Variants in LRP8 observed in about 807,000 individuals in gnomAD.
LRP8 encodes the protein low-density lipoprotein receptor-related protein 8.
Under a neutral mutation model 111.6 loss-of-function variants are expected in LRP8, and 46 were observed. The observed-to-expected ratio is 0.41, with a 90% CI of 0.33 to 0.53. LRP8 has a LOEUF of 0.53. Among genes scored for constraint, LRP8 ranks in the 20% least tolerant of loss-of-function variants. The pLI, the probability that LRP8 is intolerant of heterozygous loss-of-function variation, is 0.20. For missense variants in LRP8, 959 were observed against 1,297.4 expected (o/e 0.74, Z 4.01); for synonymous variants, 464 against 511.2 (o/e 0.91, Z 1.24).
chr1:53,323,839 T>A (rs920737117), intron 2 of LRP8, among the ~76,000 whole-genome samples: 1 of 152,240 alleles, frequency 6.6e-6, no homozygotes, highest in African/African-American at 2.4e-5. Flanking sequence ...TACCACCTGT[T>A]TTTAAATGGT....
In LRP8 at chr1:53,250,905, A is replaced by G; in HGVS notation, c.2504-43T>C. On this transcript the variant is annotated intron_variant, in intron 16 of 18. Transcript: ENST00000306052. The surrounding 1 kb of genome is among the most constrained non-coding windows in gnomAD (Gnocchi z 4.6). Reference sequence around the variant, plus strand: ...GACACTGGACCTCCAGCAGGCTCCAACCCACTGCTCAGACATCTGTACAAG... The same window carrying G: ...GACACTGGACCTCCAGCAGGCTCCAGCCCACTGCTCAGACATCTGTACAAG... 1.3e-6 allele frequency: 2 copies of G among 1,568,592 alleles called. No individual in the cohort carries two copies. Among genetic ancestry groups the G allele is most frequent in the Non-Finnish European group, 8.8e-7 (1 of 1,139,424 alleles).
intron 9 of LRP8, among the ~76,000 whole-genome samples, chr1:53,265,626 T>G (rs904328437): frequency 3.9e-5 from 6 of 152,254 alleles, no homozygotes; most frequent in African/African-American, 1.4e-4. Flanking sequence ...GTTATGTTTT[T>G]GGGTGTGTGT....
At chr1:53,296,260 G>GGT (rs2100481703) in intron 2 of LRP8, among the ~76,000 whole-genome samples, 1 of 152,318 alleles carries the variant, frequency 6.6e-6, no homozygotes, top group East Asian at 1.9e-4. Flanking sequence ...CCCTAAGAAA[G>GGT]GTGGATTCCA....
At chr1:53,320,228 C>T (rs1654327823) in intron 2 of LRP8, among the ~76,000 whole-genome samples, 1 of 152,232 alleles carries the variant, frequency 6.6e-6, no homozygotes, top group Admixed American at 6.5e-5. Context: ...CAGTGGTGCA[C>T]CTGAGGTCCC....
chr1:53,285,554 A>G (rs954512295), intron 3 of LRP8, among the ~76,000 whole-genome samples: 5 of 152,148 alleles, frequency 3.3e-5, no homozygotes, highest in African/African-American at 9.7e-5. Flanking sequence ...ATAATCTCCT[A>G]GGGTTGGTGG....
chr1:53,252,750 C>T (rs1302269492), intron 16 of LRP8, among the ~76,000 whole-genome samples: 2 of 152,122 alleles, frequency 1.3e-5, no homozygotes, highest in Non-Finnish European at 2.9e-5. Context: ...GTATATTCTC[C>T]TCACATAAAC....
In LRP8 at chr1:53,275,048, G is replaced by A. The variant is rs561748764; in HGVS notation, c.1006+583C>T. Among the ~76,000 whole-genome samples, 2 of 152,314 alleles carry A rather than the reference G, an allele frequency of 1.3e-5. No homozygotes were observed. The highest frequency in any genetic ancestry group is 2.9e-5 in the Non-Finnish European group (2 of 68,016). ...GCCTCATGTAGCTGGGCAGGGCTGT[G>A]GGGATCTGCGTCTCATCTTGCAGGA... On this transcript the variant is annotated intron_variant, in intron 6 of 18. Coordinates refer to ENST00000306052, the MANE Select transcript of LRP8 (RefSeq NM_004631.5). The surrounding 1 kb of genome is among the most constrained non-coding windows in gnomAD (Gnocchi z 4.4).
intron 2 of LRP8, among the ~76,000 whole-genome samples, chr1:53,306,552 G>A (rs1156401679): frequency 6.6e-6 from 1 of 152,166 alleles, no homozygotes; most frequent in African/African-American, 2.4e-5. Context: ...CCCCCTCTCT[G>A]GGCCTCAGCG....
intron 14 of LRP8, 134 bp from the exon 15 acceptor site, chr1:53,257,598 C>T (rs373774321): frequency 1.5e-6 from 1 of 656,306 alleles, no homozygotes. Flanking sequence ...TTCCTAATCT[C>T]CCCAGTGGGC....
intron 6 of LRP8, chr1:53,272,498 C>T (rs889700145): frequency 1.4e-5 from 15 of 1,071,494 alleles, no homozygotes; most frequent in Non-Finnish European, 1.9e-5. Context: ...CTGAGCCAGC[C>T]ATGGCCATGC....
intron 3 of LRP8, among the ~76,000 whole-genome samples, chr1:53,287,287 C>G (rs540275823): frequency 6.6e-6 from 1 of 152,372 alleles, no homozygotes; most frequent in Middle Eastern, 3.4e-3. Flanking sequence ...AGCTCCCACT[C>G]TAGCCAACTT....
intron 6 of LRP8, among the ~76,000 whole-genome samples, chr1:53,273,544 G>A (rs1207310159): frequency 6.6e-6 from 1 of 152,218 alleles, no homozygotes; most frequent in African/African-American, 2.4e-5. Context: ...TGCAAACGAC[G>A]AGAGAGAAGA....
At chr1:53,288,482 T>G (rs935914127) in intron 3 of LRP8, 4 of 152,034 alleles carry the variant, frequency 2.6e-5, no homozygotes, top group Admixed American at 6.6e-5. Context: ...CAGGAGCAGC[T>G]GTACGAGGAA....
At chr1:53,257,777 T>C (rs1646158149) in intron 14 of LRP8, among the ~76,000 whole-genome samples, 1 of 152,236 alleles carries the variant, frequency 6.6e-6, no homozygotes, top group African/African-American at 2.4e-5. Flanking sequence ...GTTATACCAA[T>C]AGATTGAAAT....
chr1:53,258,131 CT>C (rs1646172624), intron 14 of LRP8, 187 bp downstream of exon 14: 2 of 463,372 alleles, frequency 4.3e-6, no homozygotes, highest in Non-Finnish European at 7.5e-6. Flanking sequence ...TGAGAAAAAG[CT>C]TTGGAAGGAT....
intron 2 of LRP8, among the ~76,000 whole-genome samples, chr1:53,322,274 G>A (rs540990375): frequency 4.3e-4 from 65 of 152,326 alleles, no homozygotes; most frequent in African/African-American, 1.6e-3. Context: ...AACCAGGTGT[G>A]TCTGAGTTGT....
Position 53,258,402 on chromosome 1 carries a change from T to G in LRP8, c.2126A>C (p.Gln709Pro), listed in dbSNP as rs1480179195. The G allele has an allele frequency of 6.2e-7, 1 of 1,614,092 alleles. No homozygotes were observed. The highest frequency in any genetic ancestry group is 8.5e-7 in the Non-Finnish European group (1 of 1,179,984). ...GCEYLCLPAP[Q>P]ISSHSPKYTC... ...GTACTTGGGAGAGTGGCTGGAGATC[T>G]GAGGAGCAGGAAGGCACAGGTATTC... Residue 709 changes from glutamine (Q) to proline (P), a missense_variant, in exon 14 of 19, where the codon CAG becomes CCG. Gln to Pro is a moderately conservative substitution (Grantham distance 76). This residue lies in a region of LRP8 where 819 missense variants were observed against 1,097.6 expected (regional missense o/e 0.75). Coordinates refer to ENST00000306052, the MANE Select transcript of LRP8 (RefSeq NM_004631.5).
chr1:53,272,704 C>T (rs1172599159), intron 6 of LRP8: 5 of 1,285,316 alleles, frequency 3.9e-6, no homozygotes, highest in Non-Finnish European at 5.1e-6. Context: ...TCAGCCAGGC[C>T]CAGCCCTGGG....
At chr1:53,291,374 A>G (rs1233193264) in intron 2 of LRP8, among the ~76,000 whole-genome samples, 1 of 152,110 alleles carries the variant, frequency 6.6e-6, no homozygotes, top group Non-Finnish European at 1.5e-5. Context: ...GCCTCTCCCC[A>G]GGGGCTTAGA....
Sources: gnomAD v4.1 joint callset for allele counts (sites outside exome capture counted in the v4.1 genomes callset) on GRCh38, gnomAD v4.1.1 for gene constraint, gnomAD v4.1.1 regional missense constraint, Gnocchi (gnomAD v3.1) non-coding constraint, MANE v1.5 for transcripts, NCBI Gene and HGNC (gene_info 2026-07-23, HGNC 2026-07-21) for gene names.